Variants in DISC1 observed in about 807,000 individuals in gnomAD.
DISC1 encodes disrupted in schizophrenia 1 protein.
A neutral mutation model predicts 84.5 loss-of-function variants in DISC1; 57 were observed. That is an observed-to-expected ratio of 0.67 (90% CI 0.55 to 0.84). The LOEUF (loss-of-function observed/expected upper bound fraction) is 0.84. Among genes scored for constraint, DISC1 ranks in the 40% least tolerant of loss-of-function variants. The pLI, the probability that DISC1 is intolerant of heterozygous loss-of-function variation, is 0.00. For synonymous variants in DISC1, 411 were observed against 415.2 expected (o/e 0.99, Z 0.12); for missense variants, 1,000 against 1,057.8 (o/e 0.95, Z 0.76).
chr1:231,953,541 C>T (rs1658866293), intron 9 of DISC1, among the ~76,000 whole-genome samples: 1 of 152,124 alleles, frequency 6.6e-6, no homozygotes, highest in Non-Finnish European at 1.5e-5. Flanking sequence ...AGCATAATAC[C>T]TTAGATATTT....
chr1:232,013,053 G>A (rs1668171711), intron 11 of DISC1, among the ~76,000 whole-genome samples: 1 of 152,210 alleles, frequency 6.6e-6, no homozygotes, highest in Non-Finnish European at 1.5e-5. Context: ...CCAGACAGGA[G>A]CCAGGGAAAT....
chr1:231,696,564 C>G (rs772392466), intron 2 of DISC1, among the ~76,000 whole-genome samples: 4 of 152,222 alleles, frequency 2.6e-5, no homozygotes, highest in Admixed American at 6.5e-5. Context: ...ACATGACACT[C>G]TCTTCAATTA....
At chr1:231,974,412 T>C (rs1662490803) in intron 10 of DISC1, among the ~76,000 whole-genome samples, 1 of 152,194 alleles carries the variant, frequency 6.6e-6, no homozygotes. Flanking sequence ...GGAAAATAAA[T>C]GCAAGCCTAT....
chr1:231,795,776 C>G (rs148343197), intron 7 of DISC1, among the ~76,000 whole-genome samples: 5 of 152,038 alleles, frequency 3.3e-5, no homozygotes, highest in Non-Finnish European at 7.4e-5. Flanking sequence ...GTAATCCCAG[C>G]TACTCAGGAG....
At chr1:231,798,113 C>CTACACACACACACA (rs1553353422) in intron 7 of DISC1, among the ~76,000 whole-genome samples, 2 of 147,074 alleles carry the variant, frequency 1.4e-5, no homozygotes, top group Admixed American at 6.8e-5. Context: ...GTTAGACACA[C>CTACACACACACACA]CACACACACA....
At chr1:231,796,091 T>A (rs1377251463) in intron 7 of DISC1, among the ~76,000 whole-genome samples, 2 of 152,190 alleles carry the variant, frequency 1.3e-5, no homozygotes, top group Admixed American at 1.3e-4. Flanking sequence ...TTGGTTTGTG[T>A]ACAGACAGAA....
intron 4 of DISC1, among the ~76,000 whole-genome samples, chr1:231,755,705 A>G (rs367882696): frequency 1.4e-3 from 208 of 152,142 alleles, no homozygotes; most frequent in African/African-American, 4.7e-3. Context: ...ACTGCCATTT[A>G]CCCAGTTACC....
chr1:231,748,905 C>T (rs1274017843), intron 3 of DISC1, among the ~76,000 whole-genome samples: 1 of 152,170 alleles, frequency 6.6e-6, no homozygotes, highest in Non-Finnish European at 1.5e-5. Context: ...TGTGCAGATT[C>T]CTGGCAGCTC....
intron 10 of DISC1, among the ~76,000 whole-genome samples, chr1:231,963,401 T>A (rs893807366): frequency 3.9e-5 from 6 of 152,138 alleles, no homozygotes; most frequent in African/African-American, 1.4e-4. Flanking sequence ...GTTAACCCAA[T>A]ATTTAGGGAT....
At chr1:231,747,889 T>C (rs1041564724) in intron 3 of DISC1, among the ~76,000 whole-genome samples, 1 of 152,216 alleles carries the variant, frequency 6.6e-6, no homozygotes, top group African/African-American at 2.4e-5. Context: ...TTTCATTTGT[T>C]TGTATCCTCT....
chr1:231,863,590 TG>T (rs1220050561), intron 9 of DISC1, among the ~76,000 whole-genome samples: 1 of 152,216 alleles, frequency 6.6e-6, no homozygotes, highest in African/African-American at 2.4e-5. Flanking sequence ...TTCGAACCAT[TG>T]CTTTTAATAA....
intron 6 of DISC1, chr1:231,774,938 A>G (rs1454465113): frequency 2.8e-6 from 1 of 356,868 alleles, no homozygotes; most frequent in Admixed American, 3.8e-5. Flanking sequence ...AATATCCAGT[A>G]GGTATATTTA....
intron 3 of DISC1, among the ~76,000 whole-genome samples, chr1:231,711,716 C>A (rs2067874309): frequency 6.6e-6 from 1 of 152,126 alleles, no homozygotes; most frequent in African/African-American, 2.4e-5. Context: ...CTAGTACCAG[C>A]TGAAAAGAGG....
At chr1:231,875,033 G>A (rs753085985) in intron 9 of DISC1, among the ~76,000 whole-genome samples, 1 of 152,078 alleles carries the variant, frequency 6.6e-6, no homozygotes, top group Non-Finnish European at 1.5e-5. Flanking sequence ...GATCCAGGCA[G>A]AGCATCATCA....
chr1:232,011,076 CT>C (rs1474708647), intron 11 of DISC1, among the ~76,000 whole-genome samples: 1 of 152,152 alleles, frequency 6.6e-6, no homozygotes, highest in African/African-American at 2.4e-5. Flanking sequence ...TTTCTCCCTC[CT>C]TCTCTGCCCT....
intron 10 of DISC1, among the ~76,000 whole-genome samples, chr1:231,968,492 T>C (rs1292202872): frequency 2.7e-5 from 4 of 149,176 alleles, no homozygotes; most frequent in Non-Finnish European, 5.9e-5. Flanking sequence ...CAAGGGAGGC[T>C]GAGGCAGGAG....
chr1:231,767,229 C>G lies in DISC1; in HGVS notation c.1358C>G (p.Thr453Arg), dbSNP rs28930675. ...TAQDSLHVSI[T>R]RRDWLLQEKQ... is the part of the protein sequence containing the mutation. ...CAGGACAGCTTGCACGTGTCCATCACGAGACGAGACTGGCTTCTTCAGGAA... is the reference window on the plus strand; with the variant it reads ...CAGGACAGCTTGCACGTGTCCATCAGGAGACGAGACTGGCTTCTTCAGGAA... The change falls in exon 5 of 13, where the codon ACG becomes AGG. Residue 453 changes from threonine to arginine, a missense_variant. Transcript: ENST00000439617. 3 of 1,614,182 alleles carry G rather than the reference C, an allele frequency of 1.9e-6. No homozygotes were observed. Among genetic ancestry groups the G allele is most frequent in the Non-Finnish European group, 2.5e-6 (3 of 1,180,026 alleles).
At position 231,927,321 on chromosome 1, in the gene DISC1, A is replaced by C. The variant is rs559227064; in HGVS notation, c.1982-31507A>C. 3.2e-4 allele frequency among the ~76,000 whole-genome samples: 48 copies of C among 152,370 alleles called. No homozygotes were observed. The South Asian group carries it at 9.7e-3, about 31-fold the overall frequency. On this transcript the variant is annotated intron_variant, in intron 9 of 12. Transcript: ENST00000439617. The stretch of plus-strand genomic sequence containing the variant: ...TTCTAGGTTAAGAACACTAAAAAGC[A>C]GGATCATCAGGTTATTTTTTGTTAT...
At chr1:231,836,706 A>G (rs2082653696) in intron 9 of DISC1, among the ~76,000 whole-genome samples, 1 of 151,958 alleles carries the variant, frequency 6.6e-6, no homozygotes, top group Non-Finnish European at 1.5e-5. Context: ...ACCCTTATCT[A>G]TCCACACATT....
Sources: allele counts gnomAD v4.1 joint callset (sites outside exome capture counted in the v4.1 genomes callset), GRCh38; gene constraint gnomAD v4.1.1; transcripts MANE v1.5; gene names NCBI Gene and HGNC (gene_info 2026-07-23, HGNC 2026-07-21).